SORBS2: variants seen among roughly 807,000 people sequenced by gnomAD.
The protein encoded by SORBS2 is sorbin and SH3 domain containing 2.
A neutral mutation model predicts 97.7 loss-of-function variants in SORBS2; 46 were observed. That is an observed-to-expected ratio of 0.47 (90% CI 0.37 to 0.60). SORBS2 has a LOEUF of 0.60. Ranked by LOEUF, SORBS2 falls within the 20% of genes least tolerant of loss-of-function variation. The probability of loss-of-function intolerance (pLI) is 0.00; values close to 1 mark genes in which losing one functional copy is unlikely to be tolerated. For missense variants in SORBS2, 1,316 were observed against 1,282.3 expected (o/e 1.03, Z -0.40); for synonymous variants, 476 against 473.4 (o/e 1.01, Z -0.07).
chr4:185,855,091 A>T (rs2149695158), intron 1 of SORBS2, among the ~76,000 whole-genome samples: 1 of 152,296 alleles, frequency 6.6e-6, no homozygotes, highest in East Asian at 1.9e-4. Context: ...ACCATCAGAG[A>T]CTATTAGTTT....
intron 1 of SORBS2, among the ~76,000 whole-genome samples, chr4:185,867,722 GAGGTCCC>G (rs1416599888): frequency 2.0e-5 from 3 of 152,098 alleles, no homozygotes; most frequent in African/African-American, 7.2e-5. Context: ...GGATTGAAGG[GAGGTCCC>G]AGGCATTAGG....
At chr4:185,614,803 C>A (rs1168746900) in intron 11 of SORBS2, 28 bp downstream of exon 23, 1 of 1,611,670 alleles carries the variant, frequency 6.2e-7, no homozygotes, top group Non-Finnish European at 8.5e-7. Flanking sequence ...CAAACAAAAA[C>A]AAACAAACAA....
intron 4 of SORBS2, among the ~76,000 whole-genome samples, chr4:185,668,592 A>C (rs903779234): frequency 3.3e-5 from 5 of 152,260 alleles, no homozygotes; most frequent in Admixed American, 6.5e-5. Context: ...CCCAAGGGGA[A>C]AGAAAGACCA....
At chr4:185,724,760 C>A (rs1450919310) in intron 2 of SORBS2, among the ~76,000 whole-genome samples, 1 of 152,166 alleles carries the variant, frequency 6.6e-6, no homozygotes, top group Non-Finnish European at 1.5e-5. Flanking sequence ...CATGCTGTTT[C>A]CCGAATCTGG....
intron 1 of SORBS2, among the ~76,000 whole-genome samples, chr4:185,810,122 G>A (rs909585593): frequency 2.4e-4 from 37 of 152,296 alleles, no homozygotes; most frequent in African/African-American, 8.9e-4. Context: ...GTACAAGGCC[G>A]TCACCTCACC....
chr4:185,766,570 G>A (rs1348853076), intron 2 of SORBS2, among the ~76,000 whole-genome samples: 1 of 152,084 alleles, frequency 6.6e-6, no homozygotes, highest in Non-Finnish European at 1.5e-5. Flanking sequence ...CAACATTCTT[G>A]AGTGTTTTGA....
chr4:185,751,829 C>T (rs949280272), intron 2 of SORBS2, among the ~76,000 whole-genome samples: 2 of 152,108 alleles, frequency 1.3e-5, no homozygotes, highest in African/African-American at 4.8e-5. Context: ...AGAGAGTCAG[C>T]ATCGCAAACA....
chr4:185,921,909 C>T (rs918025930), intron 1 of SORBS2, among the ~76,000 whole-genome samples: 1 of 152,222 alleles, frequency 6.6e-6, no homozygotes. Flanking sequence ...GACTGCCCTG[C>T]TATTGGAGCT....
rs764728770 is a variant in SORBS2, at chr4:185,623,631, A to G, written c.1498T>C (p.Ser500Pro). 5.0e-6 allele frequency: 8 copies of G among 1,614,096 alleles called. No individual in the cohort carries two copies. Among genetic ancestry groups the G allele is most frequent in the Non-Finnish European group, 6.8e-6 (8 of 1,180,032 alleles). ...ACAACCCCGTCCTGGTCGCTGTCGGAAAACTCCACGTGTGCTCGGGGCTGC... is the reference window on the plus strand; with the variant it reads ...ACAACCCCGTCCTGGTCGCTGTCGGGAAACTCCACGTGTGCTCGGGGCTGC... Residue 500 changes from serine to proline, a missense_variant, in exon 7 of 15, where the codon TCC (serine) becomes CCC (proline). Transcript: ENST00000418609. This position sits in a 1 kb window ranked among gnomAD's most constrained non-coding sequence, Gnocchi z 6.4.
At chr4:185,804,219 A>T (rs893939854) in intron 1 of SORBS2, among the ~76,000 whole-genome samples, 2 of 152,226 alleles carry the variant, frequency 1.3e-5, no homozygotes, top group Non-Finnish European at 2.9e-5. Context: ...TGAAAGTCAC[A>T]TGGAACCACA....
chr4:185,689,704 C>T (rs1257924239), intron 2 of SORBS2, among the ~76,000 whole-genome samples: 2 of 152,164 alleles, frequency 1.3e-5, no homozygotes, highest in Non-Finnish European at 2.9e-5. Context: ...GGGTAATCCT[C>T]CTTGTAGCAC....
intron 1 of SORBS2, chr4:185,894,264 C>CAGG (rs35302757): frequency 0.73 from 110,658 of 151,586 alleles, 40,433 homozygotes; most frequent in Middle Eastern, 0.84. Flanking sequence ...AAAATGTTGG[C>CAGG]AGGTGTTGGG....
At chr4:185,598,156 A>G (rs1292637521) in intron 12 of SORBS2, among the ~76,000 whole-genome samples, 1 of 152,240 alleles carries the variant, frequency 6.6e-6, no homozygotes, top group African/African-American at 2.4e-5. Flanking sequence ...CTGACACATT[A>G]CAATCACTGT....
intron 2 of SORBS2, among the ~76,000 whole-genome samples, chr4:185,714,541 T>A (rs920120265): frequency 1.3e-5 from 2 of 152,052 alleles, no homozygotes; most frequent in Non-Finnish European, 2.9e-5. Context: ...GGTATACAGG[T>A]GTATTAATCT....
At chr4:185,588,609 T>TCCTCCTCCTCCTCCCTCCTCCTCCTC (rs1561252758) in intron 14 of SORBS2, among the ~76,000 whole-genome samples, 6 of 149,298 alleles carry the variant, frequency 4.0e-5, no homozygotes, top group South Asian at 2.2e-4. Flanking sequence ...TCCTCCTCCC[T>TCCTCCTCCTCCTCCCTCCTCCTCCTC]CCTCCTCCTC....
At chr4:185,659,612 G>A (rs1228330277), upstream of SORBS2, among the ~76,000 whole-genome samples, 6 of 150,872 alleles carry the variant, frequency 4.0e-5, no homozygotes, top group African/African-American at 1.5e-4. Context: ...TAGTAGAGAC[G>A]GGGTTTCACC....
intron 4 of SORBS2, chr4:185,666,097 A>G: frequency 7.8e-7 from 1 of 1,289,832 alleles, no homozygotes; most frequent in Non-Finnish European, 1.0e-6. Flanking sequence ...GGCTCGGTTC[A>G]AAGGTACCAC....
intron 1 of SORBS2, among the ~76,000 whole-genome samples, chr4:185,832,967 TC>T (rs1035237467): frequency 1.3e-4 from 20 of 152,242 alleles, no homozygotes; most frequent in Admixed American, 4.6e-4. Context: ...AAAATTCTTT[TC>T]TTCTAGTGAT....
At chr4:185,828,844 G>T (rs897006244) in intron 1 of SORBS2, among the ~76,000 whole-genome samples, 3 of 152,148 alleles carry the variant, frequency 2.0e-5, no homozygotes, top group African/African-American at 7.2e-5. Flanking sequence ...TCCAAGATGG[G>T]CCATCCCCTG....
Sources: allele counts gnomAD v4.1 joint callset (sites outside exome capture counted in the v4.1 genomes callset), GRCh38; gene constraint gnomAD v4.1.1; non-coding constraint Gnocchi (gnomAD v3.1); transcripts MANE v1.5; gene names NCBI Gene and HGNC (gene_info 2026-07-23, HGNC 2026-07-21).